The following DMPK variants were observed in gnomAD, a reference collection of about 807,000 sequenced individuals.
The protein encoded by DMPK is DM1 protein kinase, also known as myotonin-protein kinase.
DMPK carries 32 observed loss-of-function variants against 70.3 expected under a neutral mutation model. That is an observed-to-expected ratio of 0.46 (90% CI 0.34 to 0.61). The LOEUF is 0.61. Among genes scored for constraint, DMPK ranks in the 20% least tolerant of loss-of-function variants. DMPK has a pLI of 0.01. For synonymous variants in DMPK, 469 were observed against 390.9 expected, an observed-to-expected ratio of 1.20 and a Z score of -2.36; for missense variants, 899 against 886.0, an observed-to-expected ratio of 1.01 and a Z score of -0.19.
chr19:45,779,781 G>T lies in DMPK; in HGVS notation c.249C>A (p.Ser83Arg). The part of the protein sequence containing the change: ...ILKVIGRGAF[S>R]EVAVVKMKQT... ...GCTCCCGCCCGGTTCGGCTTACCTC[G>T]CTGAACGCCCCGCGTCCGATCACCT... is the stretch of plus-strand genomic sequence containing the variant. Residue 83 changes from serine to arginine, a missense_variant, in exon 2 of 15, where the codon AGC becomes AGA. Coordinates refer to ENST00000291270, the MANE Select transcript of DMPK (RefSeq NM_004409.5). 1.3e-6 allele frequency: 2 copies of T among 1,555,220 alleles called. No individual in the cohort carries two copies. Among genetic ancestry groups the T allele is most frequent in the Non-Finnish European group, 1.7e-6 (2 of 1,148,990 alleles).
At position 45,770,440 on chromosome 19, in the gene DMPK, G is replaced by A; in HGVS notation, c.*48C>T. On this transcript the variant is annotated 3_prime_UTR_variant, in exon 15 of 15. Coordinates refer to ENST00000291270, the MANE Select transcript of DMPK (RefSeq NM_004409.5). ...GCGCGGCTTCTGTGCCGTGCCCCGG[G>A]CACTCAGTCTTCCAACGGGGCCCCG... 2 of 1,545,496 alleles carry A rather than the reference G, an allele frequency of 1.3e-6. No homozygotes were observed. The highest frequency in any genetic ancestry group is 1.7e-6 in the Non-Finnish European group (2 of 1,143,968).
Position 45,779,246 on chromosome 19 carries a change from C to A in DMPK, c.432+18G>T. The A allele has an allele frequency of 6.2e-7, 1 of 1,612,768 alleles. No homozygotes were observed. The highest frequency in any genetic ancestry group is 8.5e-7 in the Non-Finnish European group (1 of 1,178,924). On this transcript the variant is annotated intron_variant, in intron 4 of 14. Transcript: ENST00000291270. ...GGGCTCTTGTCCCTCTTCCTAGTCA[C>A]CCCGGCCCGGAGCTCACCAGGTAGT...
At position 45,777,220 on chromosome 19, in the gene DMPK, G is replaced by A. The variant is rs1420685683; in HGVS notation, c.1146+107C>T. ...GATGGGCACAGAGCAGGTGCTCTGG[G>A]GAATGAGTGATTCAGGACCCCAGAA... On this transcript the variant is annotated intron_variant, in intron 8 of 14. Transcript: ENST00000291270. This position sits in a 1 kb window ranked among gnomAD's most constrained non-coding sequence, Gnocchi z 6.7. The A allele has an allele frequency of 7.1e-7, 1 of 1,409,740 alleles. No individual in the cohort carries two copies. The highest frequency in any genetic ancestry group is 2.5e-5 in the East Asian group (1 of 39,870). 87.3% of individuals were successfully genotyped at this position (1,409,740 alleles called of 1,614,324 possible).
chr19:45,781,794 G>C (rs894852363), intron 1 of DMPK, among the ~76,000 whole-genome samples: 2 of 152,174 alleles, frequency 1.3e-5, no homozygotes, highest in East Asian at 1.9e-4. Context: ...CTTGCCCCAG[G>C]CCACAGGAAA....
At chr19:45,772,001 C>A in intron 10 of DMPK, 73 bp from the exon 11 acceptor site, 1 of 1,466,852 alleles carries the variant, frequency 6.8e-7, no homozygotes, top group Non-Finnish European at 9.0e-7. Context: ...TGGTTCCAGG[C>A]TAGGAATCCT....
rs1199929535 is a variant in DMPK, at chr19:45,777,929, C to A, written c.676-56G>T. 2 of 1,502,480 alleles carry A rather than the reference C, an allele frequency of 1.3e-6. No individual in the cohort carries two copies. Among genetic ancestry groups the A allele is most frequent in the Admixed American group, 3.6e-5 (2 of 55,076 alleles). The allele number at this position is 1,502,480 out of a possible 1,614,324, so 93.1% of individuals were successfully genotyped here. A position where few individuals can be genotyped will look rare whatever the true frequency, so the allele number is the denominator to read the frequency against. Reference sequence around the variant, plus strand: ...GCCCACCCCTCTGGGCCCACCAGCTCTGGGCCCTCCTTCCAACCACTCCCC... The same window carrying A: ...GCCCACCCCTCTGGGCCCACCAGCTATGGGCCCTCCTTCCAACCACTCCCC... On this transcript the variant is annotated intron_variant, in intron 6 of 14. Transcript: ENST00000291270. This position sits in a 1 kb window ranked among gnomAD's most constrained non-coding sequence, Gnocchi z 6.7.
intron 1 of DMPK, 121 bp from the exon 2 acceptor site, chr19:45,779,990 T>C: frequency 6.4e-7 from 1 of 1,563,530 alleles, no homozygotes; most frequent in Non-Finnish European, 8.7e-7. Context: ...ACCCTAGGAC[T>C]GTCTGCTTCC....
intron 1 of DMPK, chr19:45,780,381 G>A (rs1970049504): frequency 1.4e-6 from 2 of 1,469,688 alleles, no homozygotes; most frequent in Non-Finnish European, 1.8e-6. Flanking sequence ...TGGATTTGGG[G>A]CTGGGGGAAG....
intron 1 of DMPK, among the ~76,000 whole-genome samples, chr19:45,781,140 T>C (rs1600452002): frequency 1.3e-5 from 2 of 151,848 alleles, no homozygotes; most frequent in East Asian, 1.9e-4. Context: ...CAGAAAGAGA[T>C]GGACACAAGA....
intron 8 of DMPK, chr19:45,775,301 G>C: frequency 5.5e-6 from 2 of 363,484 alleles, no homozygotes; most frequent in South Asian, 5.8e-5. Context: ...CTGAGTAGCT[G>C]AGATTACAGG....
Position 45,777,171 on chromosome 19 carries a change from G to A in DMPK, c.1146+156C>T, listed in dbSNP as rs1357319094. 1 of 1,048,034 alleles carries A rather than the reference G, an allele frequency of 9.5e-7. No individual in the cohort carries two copies. Among genetic ancestry groups the A allele is most frequent in the Non-Finnish European group, 1.3e-6 (1 of 751,318 alleles). The allele number at this position is 1,048,034 out of a possible 1,614,324, so 64.9% of individuals were successfully genotyped here. A position where few individuals can be genotyped will look rare whatever the true frequency, so the allele number is the denominator to read the frequency against. ...TTCCCCCACTGGACTGTAAGTCTAGGTCACTGCTGGGTCCTCAGTAGTAGA... is the reference window on the plus strand; with the variant it reads ...TTCCCCCACTGGACTGTAAGTCTAGATCACTGCTGGGTCCTCAGTAGTAGA... On this transcript the variant is annotated intron_variant, in intron 8 of 14. Transcript: ENST00000291270. This position sits in a 1 kb window ranked among gnomAD's most constrained non-coding sequence, Gnocchi z 6.7.
At chr19:45,776,874 G>C (rs1439462046) in intron 8 of DMPK, 1 of 161,714 alleles carries the variant, frequency 6.2e-6, no homozygotes, top group Non-Finnish European at 1.4e-5. Flanking sequence ...AGCTCATCTG[G>C]TCCGTGCTGG....
rs1277436334 is a variant in DMPK, at chr19:45,777,934, C to T, written c.676-61G>A. ...CCCCTCTGGGCCCACCAGCTCTGGG[C>T]CCTCCTTCCAACCACTCCCCAAATG... On this transcript the variant is annotated intron_variant, in intron 6 of 14. Transcript: ENST00000291270. The surrounding 1 kb of genome is among the most constrained non-coding windows in gnomAD (Gnocchi z 6.7). 2 of 1,499,682 alleles carry T rather than the reference C, an allele frequency of 1.3e-6. No homozygotes were observed. Among genetic ancestry groups the T allele is most frequent in the African/African-American group, 1.4e-5 (1 of 72,438 alleles). The allele number at this position is 1,499,682 out of a possible 1,614,324, so 92.9% of individuals were successfully genotyped here. A position where few individuals can be genotyped will look rare whatever the true frequency, so the allele number is the denominator to read the frequency against.
rs1376425147 is a variant in DMPK, at chr19:45,771,888, G to A, written c.1385C>T (p.Ala462Val). ...AVPAAVPAAE[A>V]EAEVTLRELQ... ...CTCCCGCAGCGTCACCTCGGCCTCA[G>A]CCTCTGCCGCAGGGACAGCCGCTGG... Residue 462 changes from alanine to valine, a missense_variant, in exon 11 of 15, where the codon GCT (alanine) becomes GTT (valine). Transcript: ENST00000291270. The A allele has an allele frequency of 6.3e-7, 1 of 1,595,568 alleles. No homozygotes were observed. Among genetic ancestry groups the A allele is most frequent in the Non-Finnish European group, 8.5e-7 (1 of 1,171,194 alleles).
chr19:45,779,188 T>G (rs1381779355), intron 4 of DMPK, 76 bp downstream of exon 4: 15 of 1,474,096 alleles, frequency 1.0e-5, no homozygotes, highest in Non-Finnish European at 1.4e-5. Flanking sequence ...TCCTAGAGCT[T>G]CCTCTCCCCA....
At chr19:45,781,690 G>T (rs1207933939) in intron 1 of DMPK, among the ~76,000 whole-genome samples, 1 of 152,192 alleles carries the variant, frequency 6.6e-6, no homozygotes, top group Non-Finnish European at 1.5e-5. Context: ...CCCTCCCAGT[G>T]CCTGGGCACC....
At chr19:45,779,387 C>G in intron 3 of DMPK, 28 bp from the exon 4 acceptor site, 3 of 1,613,930 alleles carry the variant, frequency 1.9e-6, no homozygotes, top group Non-Finnish European at 2.5e-6. Context: ...GAGCTGCAGC[C>G]GGAGACGGGG....
chr19:45,777,596 C>A lies in DMPK; in HGVS notation c.883-6G>T, dbSNP rs1969846677. 6.2e-7 allele frequency: 1 copy of A among 1,613,104 alleles called. No individual in the cohort carries two copies. The highest frequency in any genetic ancestry group is 8.5e-7 in the Non-Finnish European group (1 of 1,179,548). On this transcript the variant is annotated splice_region_variant and splice_polypyrimidine_tract_variant and intron_variant, in intron 7 of 14. Transcript: ENST00000291270. This position sits in a 1 kb window ranked among gnomAD's most constrained non-coding sequence, Gnocchi z 6.7. ...AGCGGCAGAGAGAGGTGCTCCTGCT[C>A]AGAGGGAGAGGAGGCGATAGCCTGG...
chr19:45,782,164 C>G (rs764878781), intron 1 of DMPK, 29 bp downstream of exon 1: 1 of 1,329,550 alleles, frequency 7.5e-7, no homozygotes, highest in African/African-American at 1.5e-5. Context: ...CCCACCCCAT[C>G]TGCAGGAGCC....
Sources: gnomAD v4.1 joint callset for allele counts (sites outside exome capture counted in the v4.1 genomes callset) on GRCh38, gnomAD v4.1.1 for gene constraint, Gnocchi (gnomAD v3.1) non-coding constraint, MANE v1.5 for transcripts, NCBI Gene and HGNC (gene_info 2026-07-23, HGNC 2026-07-21) for gene names.